Variants in GRK3 observed in about 807,000 individuals in gnomAD.
The protein encoded by GRK3 is adrenergic, beta, receptor kinase 2.
In GRK3, 54 loss-of-function variants were observed where a neutral mutation model predicts 95.7. The ratio of observed to expected loss-of-function variants is 0.56; its 90% CI spans 0.45 to 0.71. GRK3 has a LOEUF of 0.71. GRK3 is among the 30% of genes least tolerant of loss of function. The pLI, the probability that GRK3 is intolerant of heterozygous loss-of-function variation, is 0.00. For synonymous variants in GRK3, 281 were observed against 290.8 expected (o/e 0.97, Z 0.34); for missense variants, 649 against 851.2 (o/e 0.76, Z 2.96).
intron 19 of GRK3, among the ~76,000 whole-genome samples, chr22:25,720,148 C>T (rs1278680184): frequency 6.6e-6 from 1 of 152,052 alleles, no homozygotes; most frequent in Non-Finnish European, 1.5e-5. Flanking sequence ...ATGCTACCCA[C>T]TGGCATGTTA....
intron 2 of GRK3, among the ~76,000 whole-genome samples, chr22:25,642,696 T>G (rs1012726219): frequency 2.0e-5 from 3 of 152,176 alleles, no homozygotes; most frequent in Non-Finnish European, 4.4e-5. Context: ...TAGCTCCCAC[T>G]TGTAAATGAG....
At chr22:25,698,710 G>T (rs1237233034) in intron 13 of GRK3, among the ~76,000 whole-genome samples, 1 of 152,158 alleles carries the variant, frequency 6.6e-6, no homozygotes. Flanking sequence ...GCAGTGGCAG[G>T]GTTGGGTGGC....
At chr22:25,665,665 A>T (rs1056959498) in intron 5 of GRK3, among the ~76,000 whole-genome samples, 1 of 152,194 alleles carries the variant, frequency 6.6e-6, no homozygotes, top group African/African-American at 2.4e-5. Context: ...TATTAAAATA[A>T]GGAGTATATT....
intron 7 of GRK3, among the ~76,000 whole-genome samples, chr22:25,673,065 G>A (rs1181138353): frequency 7.4e-5 from 11 of 147,904 alleles, no homozygotes; most frequent in Non-Finnish European, 1.6e-4. Context: ...TTGGAAGAGG[G>A]GCTTTTTTTT....
At chr22:25,716,450 C>CATA (rs1309834420) in intron 18 of GRK3, among the ~76,000 whole-genome samples, 6 of 152,160 alleles carry the variant, frequency 3.9e-5, no homozygotes, top group Non-Finnish European at 8.8e-5. Context: ...TATAGATCTT[C>CATA]ATAAGCATGT....
At chr22:25,707,332 A>G (rs1221348919) in intron 15 of GRK3, among the ~76,000 whole-genome samples, 1 of 152,248 alleles carries the variant, frequency 6.6e-6, no homozygotes, top group African/African-American at 2.4e-5. Flanking sequence ...ATGGAACCCA[A>G]TAAGAAAATC....
intron 3 of GRK3, among the ~76,000 whole-genome samples, chr22:25,650,199 A>G (rs1322501928): frequency 6.6e-6 from 1 of 151,796 alleles, no homozygotes; most frequent in Non-Finnish European, 1.5e-5. Context: ...CCGCCACCAC[A>G]CCTGGCTAAT....
At chr22:25,671,079 C>T (rs1413417330) in intron 6 of GRK3, among the ~76,000 whole-genome samples, 1 of 143,346 alleles carries the variant, frequency 7.0e-6, no homozygotes, top group Non-Finnish European at 1.5e-5. Context: ...ACAGGCCAGG[C>T]GTGGTGGCTC....
chr22:25,659,670 G>A, intron 3 of GRK3, among the ~76,000 whole-genome samples: 1 of 152,156 alleles, frequency 6.6e-6, no homozygotes, highest in East Asian at 1.9e-4. Flanking sequence ...AGAGCTATTG[G>A]TAGTCGACTG....
In GRK3 at chr22:25,721,361, A is replaced by C; in HGVS notation, c.1869A>C (p.Arg623Ser). Residue 623 changes from arginine to serine, a missense_variant, in exon 20 of 21, where the codon AGA becomes AGC. By Grantham distance (110) the Arg-to-Ser change is moderately radical. Around this residue, in one of 3 missense-constraint regions of GRK3, gnomAD observed 382 missense variants for 493.8 expected, o/e 0.77. Transcript: ENST00000324198. ...AAGACAAAAAATGCATTTTGTTCAG[A>C]ATAAAAGGAGGGAAACAATTTGTCT... ...QIKDKKCILFRIKGGKQFVLQ... is the reference protein window; with the variant it reads ...QIKDKKCILFSIKGGKQFVLQ... 1.9e-6 allele frequency: 3 copies of C among 1,603,702 alleles called. No homozygotes were observed. The highest frequency in any genetic ancestry group is 2.6e-6 in the Non-Finnish European group (3 of 1,173,160).
chr22:25,632,033 A>G lies in GRK3; in HGVS notation c.191-12559A>G, dbSNP rs191065653. On this transcript the variant is annotated intron_variant, in intron 2 of 20. Coordinates refer to ENST00000324198, the MANE Select transcript of GRK3 (RefSeq NM_005160.4). Reference sequence around the variant, plus strand: ...TTTAAGTATCTGTTTGCAGATTTCTATGTGACTATAAGAGCATACATTTTT... The same window carrying G: ...TTTAAGTATCTGTTTGCAGATTTCTGTGTGACTATAAGAGCATACATTTTT... Among the ~76,000 whole-genome samples the G allele has an allele frequency of 2.9e-3, 449 of 152,312 alleles. 3 individuals are homozygous for G. The highest frequency in any genetic ancestry group is 0.017 in the Middle Eastern group (5 of 294).
intron 9 of GRK3, among the ~76,000 whole-genome samples, chr22:25,681,871 G>T (rs1309454651): frequency 3.9e-5 from 6 of 152,020 alleles, no homozygotes; most frequent in Non-Finnish European, 8.8e-5. Context: ...TGTAATCAAG[G>T]CAGGCCGTCT....
chr22:25,678,999 G>T, intron 9 of GRK3, 84 bp downstream of exon 9: 1 of 916,246 alleles, frequency 1.1e-6, no homozygotes, highest in South Asian at 1.7e-5. Flanking sequence ...CCTTCTAGCT[G>T]ATTGCAAGGC....
At position 25,632,456 on chromosome 22, in the gene GRK3, T is replaced by C. The variant is rs575735045; in HGVS notation, c.191-12136T>C. ...CAAGTCCTTTAGCAGATATATATTTTGCAAATATTTTCTCCAAATATGTGG... is the reference window on the plus strand; with the variant it reads ...CAAGTCCTTTAGCAGATATATATTTCGCAAATATTTTCTCCAAATATGTGG... On this transcript the variant is annotated intron_variant, in intron 2 of 20. Coordinates refer to ENST00000324198, the MANE Select transcript of GRK3 (RefSeq NM_005160.4). Among the ~76,000 whole-genome samples, 4 of 152,326 alleles carry C rather than the reference T, an allele frequency of 2.6e-5. No individual in the cohort carries two copies. In the South Asian group the frequency reaches 8.3e-4, roughly 32 times the overall value.
Position 25,685,232 on chromosome 22 carries a change from C to T in GRK3, c.810C>T (p.Ile270=). Residue 270 remains isoleucine (I), a synonymous_variant, in exon 10 of 21, where the codon ATC becomes ATT. Transcript: ENST00000324198. ...AFHTPDKLCF[I]LDLMNGGDLH... is the part of the protein sequence containing the mutation. ...ATACCCCAGATAAACTCTGCTTCAT[C>T]CTGGATCTGATGAACGGTAAGCAAA... The T allele has an allele frequency of 6.2e-7, 1 of 1,612,896 alleles. No homozygotes were observed. Among genetic ancestry groups the T allele is most frequent in the African/African-American group, 1.3e-5 (1 of 74,992 alleles).
chr22:25,710,304 G>A (rs567521182), intron 16 of GRK3, among the ~76,000 whole-genome samples: 5 of 151,920 alleles, frequency 3.3e-5, no homozygotes, highest in Non-Finnish European at 7.4e-5. Context: ...TTTAGTTTTT[G>A]CTCTTCTTCT....
intron 2 of GRK3, among the ~76,000 whole-genome samples, chr22:25,638,685 T>G (rs2146376252): frequency 6.6e-6 from 1 of 152,346 alleles, no homozygotes; most frequent in African/African-American, 2.4e-5. Context: ...ATGCTTTTCC[T>G]TATCTCTCTA....
chr22:25,719,699 T>TGGGGGGGG (rs372654813), intron 19 of GRK3, among the ~76,000 whole-genome samples: 1 of 48,130 alleles, frequency 2.1e-5, no homozygotes. Context: ...CTTGGTGGGG[T>TGGGGGGGG]GGGGGGGGGG....
rs115648102 is a variant in GRK3 at position 25,627,409 on chromosome 22, C to T, written c.191-17183C>T. Among the ~76,000 whole-genome samples, 920 of 152,190 alleles carry T rather than the reference C, an allele frequency of 6.0e-3. 15 individuals carry two copies. Among genetic ancestry groups the T allele is most frequent in the African/African-American group, 0.021 (858 of 41,524 alleles). ...AATAAAGCATACCTTCCACCTTTTC[C>T]CTGTAGGAACTTGCTCTGCCTAAAT... On this transcript the variant is annotated intron_variant, in intron 2 of 20. Transcript: ENST00000324198.
Sources: allele counts gnomAD v4.1 joint callset (sites outside exome capture counted in the v4.1 genomes callset), GRCh38; gene constraint gnomAD v4.1.1; regional missense constraint gnomAD v4.1.1; transcripts MANE v1.5; gene names NCBI Gene and HGNC (gene_info 2026-07-23, HGNC 2026-07-21).